SCFD1: variants seen among roughly 807,000 people sequenced by gnomAD.
SCFD1 encodes the protein sec1 family domain containing 1.
In SCFD1, 37 loss-of-function variants were observed where a neutral mutation model predicts 103.2. The observed-to-expected ratio is 0.36, with a 90% CI of 0.28 to 0.47. The LOEUF is 0.47. Among genes scored for constraint, SCFD1 ranks in the 20% least tolerant of loss-of-function variants. SCFD1 has a pLI of 1.00. For synonymous variants in SCFD1, 264 were observed against 245.0 expected, an observed-to-expected ratio of 1.08 and a Z score of -0.73; for missense variants, 639 against 761.2, an observed-to-expected ratio of 0.84 and a Z score of 1.89.
chr14:30,680,060 A>T (rs1217346651), intron 14 of SCFD1, among the ~76,000 whole-genome samples: 5 of 152,264 alleles, frequency 3.3e-5, no homozygotes, highest in African/African-American at 1.2e-4. Context: ...AATATCCTTC[A>T]ACTCCTTACT....
chr14:30,649,733 T>G, intron 8 of SCFD1, 150 bp downstream of exon 8: 1 of 628,544 alleles, frequency 1.6e-6, no homozygotes, highest in South Asian at 2.0e-5. Flanking sequence ...ACATTGAGAT[T>G]GCACCGAAGA....
chr14:30,669,720 C>T (rs1888366140), intron 10 of SCFD1: 1 of 152,126 alleles, frequency 6.6e-6, no homozygotes, highest in Non-Finnish European at 1.5e-5. Context: ...GTTCATCACT[C>T]AAGTGACACA....
At chr14:30,668,640 A>G (rs897144164) in intron 10 of SCFD1, among the ~76,000 whole-genome samples, 2 of 152,346 alleles carry the variant, frequency 1.3e-5, no homozygotes, top group South Asian at 2.1e-4. Context: ...AAATTTTTAC[A>G]ATCTACCCAT....
At chr14:30,732,701 A>G (rs1044730852) in intron 23 of SCFD1, among the ~76,000 whole-genome samples, 2 of 152,224 alleles carry the variant, frequency 1.3e-5, no homozygotes, top group South Asian at 2.1e-4. Flanking sequence ...CCCTTGGTTT[A>G]TACTAGTCCA....
intron 2 of SCFD1, among the ~76,000 whole-genome samples, chr14:30,628,991 G>A (rs998712241): frequency 1.3e-5 from 2 of 152,158 alleles, no homozygotes; most frequent in South Asian, 2.1e-4. Context: ...AAAGTTGTCT[G>A]TATTGATTTC....
chr14:30,656,311 G>A (rs888166298), intron 10 of SCFD1, among the ~76,000 whole-genome samples: 4 of 152,140 alleles, frequency 2.6e-5, no homozygotes, highest in Admixed American at 6.6e-5. Context: ...ATACTAATGG[G>A]AATGATCCAA....
chr14:30,706,589 G>A (rs1891484886), intron 18 of SCFD1, among the ~76,000 whole-genome samples: 1 of 152,136 alleles, frequency 6.6e-6, no homozygotes, highest in Admixed American at 6.5e-5. Flanking sequence ...CCTGGCTTCA[G>A]GATAGATTCA....
chr14:30,717,726 T>C (rs974002012), intron 20 of SCFD1, among the ~76,000 whole-genome samples: 2 of 151,690 alleles, frequency 1.3e-5, no homozygotes, highest in African/African-American at 4.8e-5. Flanking sequence ...ACCCCGTCTC[T>C]ACAAAAAATT....
At chr14:30,671,758 T>A (rs1420958742) in intron 11 of SCFD1, among the ~76,000 whole-genome samples, 1 of 152,126 alleles carries the variant, frequency 6.6e-6, no homozygotes, top group Non-Finnish European at 1.5e-5. Flanking sequence ...TTCTACCTAT[T>A]GCCCTATTTC....
Position 30,715,908 on chromosome 14 carries a change from A to C in SCFD1, c.1630-16A>C, listed in dbSNP as rs1344879267. The C allele has an allele frequency of 1.3e-6, 2 of 1,482,236 alleles. No individual in the cohort carries two copies. The highest frequency in any genetic ancestry group is 2.8e-5 in the African/African-American group (2 of 70,378). 91.8% of individuals were successfully genotyped at this position (1,482,236 alleles called of 1,614,324 possible). ...TGGTTTAATATTCTAATATTTAACAAAATACTTTTCCACAGAATCTACCTG... is the reference window on the plus strand; with the variant it reads ...TGGTTTAATATTCTAATATTTAACACAATACTTTTCCACAGAATCTACCTG... On this transcript the variant is annotated splice_polypyrimidine_tract_variant and intron_variant, in intron 19 of 24. Coordinates refer to ENST00000458591, the MANE Select transcript of SCFD1 (RefSeq NM_016106.4).
chr14:30,625,615 ACCT>A (rs1883323837), intron 1 of SCFD1, among the ~76,000 whole-genome samples: 1 of 68,702 alleles, frequency 1.5e-5, no homozygotes, highest in Non-Finnish European at 3.1e-5. Context: ...GTATAGGTAT[ACCT>A]ATATAGGTAT....
intron 7 of SCFD1, among the ~76,000 whole-genome samples, chr14:30,647,098 T>A (rs1419722279): frequency 1.3e-5 from 2 of 152,192 alleles, no homozygotes; most frequent in African/African-American, 4.8e-5. Flanking sequence ...AAAGCACTGA[T>A]GTAGATTGTC....
chr14:30,730,826 T>C (rs1893404817), intron 23 of SCFD1, among the ~76,000 whole-genome samples: 1 of 152,242 alleles, frequency 6.6e-6, no homozygotes, highest in African/African-American at 2.4e-5. Context: ...TGGTAGTTTC[T>C]TTTGCTGTGC....
At chr14:30,703,776 A>C (rs1373208274) in intron 17 of SCFD1, among the ~76,000 whole-genome samples, 1 of 150,250 alleles carries the variant, frequency 6.7e-6, no homozygotes, top group Non-Finnish European at 1.5e-5. Flanking sequence ...AATACACAAC[A>C]AACCTTTGTT....
At chr14:30,647,519 T>C (rs1885959837) in intron 7 of SCFD1, among the ~76,000 whole-genome samples, 1 of 152,154 alleles carries the variant, frequency 6.6e-6, no homozygotes, top group Non-Finnish European at 1.5e-5. Context: ...TTACCTTATG[T>C]GATTCTCTTC....
In SCFD1 at chr14:30,734,909, T is replaced by C. The variant is rs373856045; in HGVS notation, c.1905+51T>C. 7 of 1,409,816 alleles carry C rather than the reference T, an allele frequency of 5.0e-6. No homozygotes were observed. In the African/African-American group the frequency reaches 9.9e-5, roughly 20 times the overall value. The allele number at this position is 1,409,816 out of a possible 1,614,324, so 87.3% of individuals were successfully genotyped here. ...TCTGTTAACATACCCCTAGTTGCTA[T>C]TGGTATTTTTCAAAAGAGAGAAAGA... On this transcript the variant is annotated intron_variant, in intron 24 of 24. Transcript: ENST00000458591.
At chr14:30,691,985 A>G (rs895754197) in intron 14 of SCFD1, among the ~76,000 whole-genome samples, 7 of 145,552 alleles carry the variant, frequency 4.8e-5, no homozygotes, top group African/African-American at 1.3e-4. Context: ...GGGTCTCACT[A>G]TGTTTCCCAG....
intron 10 of SCFD1, among the ~76,000 whole-genome samples, chr14:30,664,664 G>A (rs566646426): frequency 6.6e-6 from 1 of 152,216 alleles, no homozygotes; most frequent in African/African-American, 2.4e-5. Flanking sequence ...TTAAAAGAAT[G>A]GCTAACTAGA....
chr14:30,672,576 A>G (rs1267243452), intron 11 of SCFD1, among the ~76,000 whole-genome samples: 1 of 152,214 alleles, frequency 6.6e-6, no homozygotes, highest in Non-Finnish European at 1.5e-5. Context: ...AGAAACATTT[A>G]ATGATCAACA....
Sources: allele counts gnomAD v4.1 joint callset (sites outside exome capture counted in the v4.1 genomes callset), GRCh38; gene constraint gnomAD v4.1.1; transcripts MANE v1.5; gene names NCBI Gene and HGNC (gene_info 2026-07-23, HGNC 2026-07-21).